Variants in ARHGEF10 observed in about 807,000 individuals in gnomAD.
ARHGEF10 encodes the protein Rho guanine nucleotide exchange factor (GEF) 10.
ARHGEF10 carries 140 observed loss-of-function variants against 147.4 expected under a neutral mutation model. The ratio of observed to expected loss-of-function variants is 0.95; its 90% CI spans 0.83 to 1.09. The LOEUF (loss-of-function observed/expected upper bound fraction) is 1.09. Ranked by LOEUF, ARHGEF10 falls within the 50% of genes least tolerant of loss-of-function variation. The pLI is 0.00. For missense variants in ARHGEF10, 2,222 were observed against 1,752.7 expected, an observed-to-expected ratio of 1.27 and a Z score of -4.78; for synonymous variants, 902 against 695.8, an observed-to-expected ratio of 1.30 and a Z score of -4.67.
intron 1 of ARHGEF10, among the ~76,000 whole-genome samples, chr8:1,835,128 A>G (rs1046992158): frequency 7.2e-5 from 11 of 152,346 alleles, no homozygotes; most frequent in African/African-American, 2.2e-4. Flanking sequence ...GCGCAGACAC[A>G]GGATGTGGGT....
At chr8:1,832,909 CAG>C in intron 1 of ARHGEF10, among the ~76,000 whole-genome samples, 1 of 39,332 alleles carries the variant, frequency 2.5e-5, no homozygotes. Flanking sequence ...GACAGAGAGA[CAG>C]ACAGAGGCAG....
In ARHGEF10 at chr8:1,956,733, C is replaced by G. The variant is rs993600437; in HGVS notation, c.3521-16C>G. The G allele has an allele frequency of 1.2e-6, 2 of 1,613,660 alleles. No homozygotes were observed. The highest frequency in any genetic ancestry group is 1.3e-5 in the African/African-American group (1 of 75,048). The stretch of plus-strand genomic sequence containing the variant: ...CCTATTTTAAAAGACAGCTGTTGAA[C>G]TGTTTCCCTTTTCAGGAAGAGGCAT... On this transcript the variant is annotated splice_polypyrimidine_tract_variant and intron_variant, in intron 28 of 28. Coordinates refer to ENST00000349830, the MANE Select transcript of ARHGEF10 (RefSeq NM_014629.4).
At chr8:1,914,741 T>G (rs1205425141) in intron 18 of ARHGEF10, among the ~76,000 whole-genome samples, 1 of 152,104 alleles carries the variant, frequency 6.6e-6, no homozygotes, top group Admixed American at 6.5e-5. Flanking sequence ...TGTGTGTGTG[T>G]GGGAGATGAG....
In ARHGEF10 at chr8:1,945,534, G is replaced by A. The variant is rs1194102358; in HGVS notation, c.3276G>A (p.Val1092=). 1 of 1,614,052 alleles carries A rather than the reference G, an allele frequency of 6.2e-7. No individual in the cohort carries two copies. The highest frequency in any genetic ancestry group is 1.1e-5 in the South Asian group (1 of 91,064). The change falls in exon 27 of 29, where the codon GTG becomes GTA. Residue 1092 remains valine (V), a synonymous_variant. Transcript: ENST00000349830. The part of the protein sequence containing the change: ...EEGMVISHMA[V]SGVGIWIAFT... ...GCATGGTGATCTCCCACATGGCCGT[G>A]TCCGGCGTCGGGATCTGGATTGCCT... is the stretch of plus-strand genomic sequence containing the variant.
In ARHGEF10 at chr8:1,945,473, T is replaced by A; in HGVS notation, c.3223-8T>A. On this transcript the variant is annotated splice_region_variant and splice_polypyrimidine_tract_variant and intron_variant, in intron 26 of 28. Transcript: ENST00000349830. The stretch of plus-strand genomic sequence containing the variant: ...GGGGCTAGCAGACTTGACCTCTCGA[T>A]TTCACAGGGTCAGCTGGAGGCCCAC... 6.3e-7 allele frequency: 1 copy of A among 1,587,054 alleles called. No individual in the cohort carries two copies. Among genetic ancestry groups the A allele is most frequent in the East Asian group, 2.3e-5 (1 of 42,954 alleles).
chr8:1,948,123 A>C lies in ARHGEF10; in HGVS notation c.3397+2468A>C, dbSNP rs577152800. Among the ~76,000 whole-genome samples the C allele has an allele frequency of 2.6e-5, 4 of 152,084 alleles. No homozygotes were observed. Among genetic ancestry groups the C allele is most frequent in the African/African-American group, 9.6e-5 (4 of 41,510 alleles). On this transcript the variant is annotated intron_variant, in intron 27 of 28. Transcript: ENST00000349830. This position sits in a 1 kb window ranked among gnomAD's most constrained non-coding sequence, Gnocchi z 4.9. ...TTTCCAGGCGGCCGATGATGGATCC[A>C]TCCCAAGCCCACCACAAGCCTCTCA...
At position 1,839,388 on chromosome 8, in the gene ARHGEF10, G is replaced by C. The variant is rs560007700; in HGVS notation, c.-47-3965G>C. Among the ~76,000 whole-genome samples the C allele has an allele frequency of 1.3e-3, 185 of 145,372 alleles. 5 individuals are homozygous for C. The highest frequency in any genetic ancestry group is 4.5e-3 in the African/African-American group (171 of 38,176). ...TCTGGTGTGGAAGCTGTCTGGTGTGGGACTGTCTGCTGTGGGGACTGTCTG... is the reference window on the plus strand; with the variant it reads ...TCTGGTGTGGAAGCTGTCTGGTGTGCGACTGTCTGCTGTGGGGACTGTCTG... On this transcript the variant is annotated intron_variant, in intron 1 of 28. Transcript: ENST00000349830.
chr8:1,897,082 G>T (rs1022102916), intron 14 of ARHGEF10, among the ~76,000 whole-genome samples: 2 of 152,222 alleles, frequency 1.3e-5, no homozygotes, highest in African/African-American at 2.4e-5. Flanking sequence ...CTTCAAAGAC[G>T]TCGGCGGAAC....
At chr8:1,950,491 C>T (rs1046307160) in intron 27 of ARHGEF10, among the ~76,000 whole-genome samples, 54 of 152,206 alleles carry the variant, frequency 3.5e-4, no homozygotes, top group African/African-American at 1.3e-3. Context: ...ACATTCATAT[C>T]GGGTTTCTAC....
intron 11 of ARHGEF10, 39 bp downstream of exon 11, chr8:1,885,746 G>T (rs1372180248): frequency 1.4e-6 from 2 of 1,442,548 alleles, no homozygotes; most frequent in Non-Finnish European, 2.0e-6. Flanking sequence ...TTGACCAGCA[G>T]AGCTGTGCTA....
chr8:1,923,379 C>T lies in ARHGEF10; in HGVS notation c.2260-89C>T, dbSNP rs565590832. ...TAATAGTTTCATTTGGTCTGAATTT[C>T]TCATATTAAAATTGTGTCTTTTTAT... On this transcript the variant is annotated intron_variant, in intron 19 of 28. Transcript: ENST00000349830. 4.4e-5 allele frequency: 69 copies of T among 1,570,874 alleles called. 1 individual carries two copies. The South Asian group carries it at 7.2e-4, about 16-fold the overall frequency.
intron 26 of ARHGEF10, among the ~76,000 whole-genome samples, chr8:1,945,248 T>C (rs1359184810): frequency 2.0e-5 from 3 of 152,196 alleles, no homozygotes; most frequent in South Asian, 4.1e-4. Flanking sequence ...GCACCATGCC[T>C]GTGTCTTTGG....
chr8:1,934,630 G>C (rs1451300051), intron 26 of ARHGEF10, among the ~76,000 whole-genome samples: 1 of 152,142 alleles, frequency 6.6e-6, no homozygotes, highest in Non-Finnish European at 1.5e-5. Flanking sequence ...AGACAAGTGG[G>C]CAGCCGTTTG....
intron 25 of ARHGEF10, among the ~76,000 whole-genome samples, chr8:1,932,835 C>T (rs1179963456): frequency 3.3e-5 from 5 of 152,224 alleles, no homozygotes; most frequent in South Asian, 4.1e-4. Context: ...GAACTGAGGC[C>T]GTGTTCTCCT....
At chr8:1,931,892 C>T (rs183193046) in intron 25 of ARHGEF10, among the ~76,000 whole-genome samples, 12 of 152,200 alleles carry the variant, frequency 7.9e-5, no homozygotes, top group Admixed American at 7.8e-4. Context: ...ATGACCCACC[C>T]AGGTGCTCAG....
chr8:1,879,823 G>T (rs914954244), intron 8 of ARHGEF10, among the ~76,000 whole-genome samples: 12 of 152,092 alleles, frequency 7.9e-5, no homozygotes, highest in African/African-American at 1.9e-4. Context: ...AAAGTGCTGG[G>T]ATTACAGGGG....
At chr8:1,854,231 CAG>C (rs1156335574) in intron 2 of ARHGEF10, among the ~76,000 whole-genome samples, 10 of 152,174 alleles carry the variant, frequency 6.6e-5, no homozygotes, top group Admixed American at 5.9e-4. Flanking sequence ...ATGCTCACCT[CAG>C]AGGGCGGCGC....
intron 1 of ARHGEF10, among the ~76,000 whole-genome samples, chr8:1,834,919 G>A (rs984230138): frequency 6.6e-6 from 1 of 152,202 alleles, no homozygotes; most frequent in African/African-American, 2.4e-5. Flanking sequence ...GCCGGCTCCC[G>A]GCCCCAAGCT....
chr8:1,935,455 C>T (rs994624450), intron 26 of ARHGEF10, among the ~76,000 whole-genome samples: 1 of 152,120 alleles, frequency 6.6e-6, no homozygotes, highest in Admixed American at 6.5e-5. Flanking sequence ...CTGTTCAGCC[C>T]TCCCTCCCCC....
Sources: allele counts gnomAD v4.1 joint callset (sites outside exome capture counted in the v4.1 genomes callset), GRCh38; gene constraint gnomAD v4.1.1; non-coding constraint Gnocchi (gnomAD v3.1); transcripts MANE v1.5; gene names NCBI Gene and HGNC (gene_info 2026-07-23, HGNC 2026-07-21).